TBC1D23: variants seen among roughly 807,000 people sequenced by gnomAD.
The protein encoded by TBC1D23 is TBC1 domain family member 23, also known as HCV non-structural protein 4A-transactivated protein 1.
A neutral mutation model predicts 91.4 loss-of-function variants in TBC1D23; 55 were observed. The ratio of observed to expected loss-of-function variants is 0.60; its 90% CI spans 0.48 to 0.75. The LOEUF (loss-of-function observed/expected upper bound fraction) is 0.75, where lower values mean the gene tolerates loss of function less well. TBC1D23 is among the 30% of genes least tolerant of loss of function. TBC1D23 has a pLI of 0.00. For synonymous variants in TBC1D23, 289 were observed against 281.0 expected, an observed-to-expected ratio of 1.03 and a Z score of -0.28; for missense variants, 725 against 836.1, an observed-to-expected ratio of 0.87 and a Z score of 1.64.
intron 11 of TBC1D23, among the ~76,000 whole-genome samples, chr3:100,303,175 A>C (rs1267518478): frequency 6.6e-6 from 1 of 152,186 alleles, no homozygotes; most frequent in Non-Finnish European, 1.5e-5. Flanking sequence ...CAGTTTATGT[A>C]TTAAAGTCCT....
chr3:100,288,316 C>T (rs2067761824), intron 4 of TBC1D23, among the ~76,000 whole-genome samples: 1 of 151,690 alleles, frequency 6.6e-6, no homozygotes, highest in Admixed American at 6.6e-5. Flanking sequence ...AGGCTTTTTA[C>T]TTCATTTTCT....
At chr3:100,290,482 G>A in intron 4 of TBC1D23, 96 bp from the exon 5 acceptor site, 1 of 1,069,864 alleles carries the variant, frequency 9.3e-7, no homozygotes, top group Non-Finnish European at 1.4e-6. Flanking sequence ...TAGGCTTCCA[G>A]TGAATGCTGT....
intron 13 of TBC1D23, among the ~76,000 whole-genome samples, chr3:100,309,610 C>CT (rs71132518): frequency 0.01 from 1,195 of 116,074 alleles, 37 homozygotes; most frequent in South Asian, 0.012. Context: ...ATTCTACCTT[C>CT]TTTTTTTTTT....
At chr3:100,273,540 A>G (rs2067619507) in intron 1 of TBC1D23, among the ~76,000 whole-genome samples, 1 of 152,230 alleles carries the variant, frequency 6.6e-6, no homozygotes, top group African/African-American at 2.4e-5. Flanking sequence ...GTATGGAACC[A>G]AAAAAGAGCC....
chr3:100,275,804 T>C (rs1003176851), intron 1 of TBC1D23, among the ~76,000 whole-genome samples: 6 of 152,198 alleles, frequency 3.9e-5, no homozygotes, highest in African/African-American at 1.4e-4. Flanking sequence ...ATATGGTATA[T>C]TCATATACAA....
intron 4 of TBC1D23, among the ~76,000 whole-genome samples, chr3:100,287,344 A>C (rs759971429): frequency 5.3e-5 from 8 of 152,180 alleles, no homozygotes; most frequent in Non-Finnish European, 7.3e-5. Flanking sequence ...TTTCACATAT[A>C]AGATGGCAGA....
At chr3:100,299,867 C>G (rs1705386164) in intron 10 of TBC1D23, among the ~76,000 whole-genome samples, 1 of 152,206 alleles carries the variant, frequency 6.6e-6, no homozygotes, top group African/African-American at 2.4e-5. Context: ...CTATGGCTTA[C>G]TATCGCTTAC....
intron 1 of TBC1D23, among the ~76,000 whole-genome samples, chr3:100,270,361 G>A (rs1159498200): frequency 6.6e-6 from 1 of 152,138 alleles, no homozygotes; most frequent in African/African-American, 2.4e-5. Flanking sequence ...TATGTAAAGG[G>A]GACGAGAGCT....
rs995752158 is a variant in TBC1D23 at position 100,325,160 on chromosome 3, T to C, written c.*1492T>C. ...TCACCCATTTCAGCCATGGGACATT[T>C]TTCATAATATTAATGTAAAGATGTT... is the stretch of plus-strand genomic sequence containing the variant. On this transcript the variant is annotated 3_prime_UTR_variant, in exon 19 of 19. Transcript: ENST00000394144. 2.6e-5 allele frequency: 4 copies of C among 152,210 alleles called. No individual in the cohort carries two copies. The highest frequency in any genetic ancestry group is 2.0e-4 in the Admixed American group (3 of 15,280). 9.4% of individuals were successfully genotyped at this position (152,210 alleles called of 1,614,324 possible). A position where few individuals can be genotyped will look rare whatever the true frequency, so the allele number is the denominator to read the frequency against.
intron 7 of TBC1D23, among the ~76,000 whole-genome samples, 198 bp downstream of exon 7, chr3:100,295,546 T>C (rs919612518): frequency 7.9e-5 from 12 of 152,186 alleles, no homozygotes; most frequent in African/African-American, 2.9e-4. Flanking sequence ...ATTCATTCCT[T>C]CATATTTGTT....
chr3:100,306,187 T>A (rs1228367362), intron 12 of TBC1D23, among the ~76,000 whole-genome samples: 1 of 152,194 alleles, frequency 6.6e-6, no homozygotes, highest in Non-Finnish European at 1.5e-5. Context: ...GCCTATACAG[T>A]TATCATCACA....
intron 1 of TBC1D23, among the ~76,000 whole-genome samples, chr3:100,269,676 A>G (rs2067585432): frequency 6.6e-6 from 1 of 152,226 alleles, no homozygotes. Context: ...CAAATGTCAT[A>G]CAGAATATTC....
At chr3:100,272,649 T>A (rs1184999941) in intron 1 of TBC1D23, among the ~76,000 whole-genome samples, 1 of 152,200 alleles carries the variant, frequency 6.6e-6, no homozygotes, top group African/African-American at 2.4e-5. Context: ...CGCCAGCCTC[T>A]GAGTTCCCTT....
At chr3:100,314,329 C>G (rs1705691501) in intron 15 of TBC1D23, among the ~76,000 whole-genome samples, 1 of 152,012 alleles carries the variant, frequency 6.6e-6, no homozygotes. Flanking sequence ...ATCTCCTGAC[C>G]TCGTGATCTG....
At chr3:100,298,117 C>T (rs1192936595) in intron 9 of TBC1D23, 72 bp downstream of exon 9, 2 of 1,319,022 alleles carry the variant, frequency 1.5e-6, no homozygotes, top group East Asian at 2.4e-5. Context: ...CCTCCCTGTT[C>T]ATTGATTCCC....
intron 8 of TBC1D23, among the ~76,000 whole-genome samples, chr3:100,297,135 C>T (rs1705306111): frequency 6.6e-6 from 1 of 152,026 alleles, no homozygotes. Context: ...GTTTATAAAG[C>T]AGACAGGTTT....
rs753407517 is a variant in TBC1D23 at position 100,296,191 on chromosome 3, A to C, written c.792A>C (p.Pro264=). 6.3e-7 allele frequency: 1 copy of C among 1,583,286 alleles called. No individual in the cohort carries two copies. Among genetic ancestry groups the C allele is most frequent in the Non-Finnish European group, 8.6e-7 (1 of 1,164,330 alleles). The change falls in exon 8 of 19, where the codon CCA becomes CCC. Residue 264 remains proline (P), a synonymous_variant. Coordinates refer to ENST00000394144, the MANE Select transcript of TBC1D23 (RefSeq NM_001199198.3). ...EEVIKFLENT[P]SSLNIEDIED... ...TTTCAGAGTTCTTGGAAAATACTCC[A>C]TCCAGTCTGAATATAGAAGATATAG... is the stretch of plus-strand genomic sequence containing the variant.
chr3:100,272,641 C>T (rs900525245), intron 1 of TBC1D23, among the ~76,000 whole-genome samples: 11 of 152,136 alleles, frequency 7.2e-5, no homozygotes, highest in Admixed American at 7.2e-4. Context: ...GAGGATCCCG[C>T]CAGCCTCTGA....
intron 12 of TBC1D23, among the ~76,000 whole-genome samples, chr3:100,305,615 G>T (rs1205354590): frequency 6.6e-6 from 1 of 152,114 alleles, no homozygotes; most frequent in African/African-American, 2.4e-5. Context: ...AGTATATGTT[G>T]AGGGTAATGG....
Sources: allele counts gnomAD v4.1 joint callset (sites outside exome capture counted in the v4.1 genomes callset), GRCh38; gene constraint gnomAD v4.1.1; transcripts MANE v1.5; gene names NCBI Gene and HGNC (gene_info 2026-07-23, HGNC 2026-07-21).